Variants in VPS13C observed in about 807,000 individuals in gnomAD.
VPS13C encodes vacuolar protein sorting 13 homolog C, also known as intermembrane lipid transfer protein VPS13C.
A neutral mutation model predicts 456.8 loss-of-function variants in VPS13C; 358 were observed. The ratio of observed to expected loss-of-function variants is 0.78; its 90% CI spans 0.72 to 0.86. The LOEUF is 0.86. VPS13C is among the 40% of genes least tolerant of loss of function. VPS13C has a pLI of 0.00. For missense variants in VPS13C, 4,818 were observed against 4,385.4 expected (o/e 1.10, Z -2.79); for synonymous variants, 1,578 against 1,486.7 (o/e 1.06, Z -1.41).
intron 66 of VPS13C, among the ~76,000 whole-genome samples, chr15:61,895,834 T>C (rs761715029): frequency 2.1e-4 from 32 of 152,082 alleles, no homozygotes; most frequent in South Asian, 4.2e-4. Flanking sequence ...TAGGGAAAGA[T>C]TTCTTAAAGG....
Position 61,882,226 on chromosome 15 carries a change from G to C in VPS13C, c.9624+370C>G, listed in dbSNP as rs77028167. 3.3e-5 allele frequency among the ~76,000 whole-genome samples: 5 copies of C among 152,222 alleles called. No homozygotes were observed. The East Asian group carries it at 9.7e-4, about 29-fold the overall frequency. On this transcript the variant is annotated intron_variant, in intron 69 of 84. Coordinates refer to ENST00000644861, the MANE Select transcript of VPS13C (RefSeq NM_020821.3). ...ACTTAACAGCTAAAAGGAAGGAAGG[G>C]AGGGATGCTGGGAGAGAGCAAGCAA...
At chr15:62,041,418 C>CA in intron 2 of VPS13C, 52 bp from the exon 3 acceptor site, 1 of 1,537,926 alleles carries the variant, frequency 6.5e-7, no homozygotes, top group Non-Finnish European at 8.8e-7. Context: ...GAAGCCAACC[C>CA]AAAAATCACT....
Position 61,917,400 on chromosome 15 carries a change from G to C in VPS13C, c.7996C>G (p.Leu2666Val), listed in dbSNP as rs149961750. Residue 2666 changes from leucine (L) to valine (V), a missense_variant, in exon 60 of 85, where the codon CTT becomes GTT. Coordinates refer to ENST00000644861, the MANE Select transcript of VPS13C (RefSeq NM_020821.3). The part of the protein sequence containing the change: ...EDWDVAYIIH[L>V]YPSLTLRNLL... ...TTCCGCAAAGTGAGAGAAGGATAAA[G>C]ATGAATAATGTAAGCTACATCCCAG... 2 of 1,613,982 alleles carry C rather than the reference G, an allele frequency of 1.2e-6. No individual in the cohort carries two copies.
chr15:61,913,915 A>G (rs184469252), intron 61 of VPS13C, among the ~76,000 whole-genome samples: 1 of 152,294 alleles, frequency 6.6e-6, no homozygotes, highest in Admixed American at 6.5e-5. Context: ...TAGGAAATAC[A>G]TACGAAAAAT....
At chr15:61,991,139 C>T in intron 17 of VPS13C, 45 bp from the exon 18 acceptor site, 1 of 1,403,272 alleles carries the variant, frequency 7.1e-7, no homozygotes, top group Non-Finnish European at 9.9e-7. Context: ...TTCCATTTTA[C>T]AAATATAACT....
At position 61,929,520 on chromosome 15, in the gene VPS13C, C is replaced by T; in HGVS notation, c.6267G>A (p.Gly2089=). The T allele has an allele frequency of 6.2e-7, 1 of 1,614,044 alleles. No individual in the cohort carries two copies. Among genetic ancestry groups the T allele is most frequent in the Non-Finnish European group, 8.5e-7 (1 of 1,179,978 alleles). The change falls in exon 51 of 85, where the codon GGG becomes GGA. Residue 2089 remains glycine, a synonymous_variant. Coordinates refer to ENST00000644861, the MANE Select transcript of VPS13C (RefSeq NM_020821.3). The part of the protein sequence containing the change: ...TQILPRQTAT[G]KVKIEKDDSV... ...GCTAACCTTTCTCTATCTTGACCTT[C>T]CCTGTGGCAGTCTGTCTTGGTAAAA...
At chr15:61,945,623 T>C in intron 45 of VPS13C, 92 bp downstream of exon 45, 1 of 1,017,572 alleles carries the variant, frequency 9.8e-7, no homozygotes, top group Non-Finnish European at 1.4e-6. Flanking sequence ...TCACACAGCC[T>C]TATCAGTGAA....
At chr15:61,947,794 G>A (rs1253187904) in intron 42 of VPS13C, among the ~76,000 whole-genome samples, 2 of 152,068 alleles carry the variant, frequency 1.3e-5, no homozygotes, top group Admixed American at 6.5e-5. Flanking sequence ...AATTTCTCCA[G>A]ATTACACCCT....
chr15:61,919,392 A>C lies in VPS13C; in HGVS notation c.7535T>G (p.Leu2512Trp), dbSNP rs2043576606. Reference sequence around the variant, plus strand: ...GGCATTGGGATTCCGTACATTATACAATCGCCGTCCAGGTCTGGCCACAGG... The same window carrying C: ...GGCATTGGGATTCCGTACATTATACCATCGCCGTCCAGGTCTGGCCACAGG... ...NIPVARPGRR[L>W]YNVRNPNASH... Residue 2512 changes from leucine (L) to tryptophan (W), a missense_variant, in exon 58 of 85, where the codon TTG becomes TGG. Transcript: ENST00000644861. 2 of 1,603,058 alleles carry C rather than the reference A, an allele frequency of 1.2e-6. No individual in the cohort carries two copies. Among genetic ancestry groups the C allele is most frequent in the South Asian group, 2.3e-5 (2 of 88,880 alleles).
chr15:62,000,169 C>A (rs1596455447), intron 16 of VPS13C, among the ~76,000 whole-genome samples: 1 of 152,082 alleles, frequency 6.6e-6, no homozygotes, highest in Non-Finnish European at 1.5e-5. Flanking sequence ...CAAGACCAGG[C>A]TGGCCAACAT....
Position 61,909,062 on chromosome 15 carries a change from A to G in VPS13C, c.8908T>C (p.Tyr2970His). 6.2e-7 allele frequency: 1 copy of G among 1,614,058 alleles called. No homozygotes were observed. Among genetic ancestry groups the G allele is most frequent in the Non-Finnish European group, 8.5e-7 (1 of 1,180,004 alleles). ...AAGGCAGGTGCAGATCCCTCATGGT[A>G]ATCAGAAAAAGTTATGACAGTTGAA... ...EHSTVITFSDYHEGSAPALIM... is the reference protein window; with the variant it reads ...EHSTVITFSDHHEGSAPALIM... The change falls in exon 65 of 85, where the codon TAC becomes CAC. Residue 2970 changes from tyrosine (Y) to histidine (H), a missense_variant. This residue lies in a region of VPS13C where 4,552 missense variants were observed against 4,130.6 expected (regional missense o/e 1.10). Coordinates refer to ENST00000644861, the MANE Select transcript of VPS13C (RefSeq NM_020821.3).
chr15:61,962,282 A>T (rs2045233979), intron 34 of VPS13C, 89 bp downstream of exon 34: 2 of 1,257,926 alleles, frequency 1.6e-6, no homozygotes, highest in Non-Finnish European at 2.2e-6. Context: ...CCACTCTAAA[A>T]TCCAAGGTTT....
chr15:61,886,216 T>C (rs919247160), intron 67 of VPS13C, among the ~76,000 whole-genome samples: 1 of 152,146 alleles, frequency 6.6e-6, no homozygotes, highest in African/African-American at 2.4e-5. Context: ...GTTTTTTGTA[T>C]TTGTTAAGAT....
At chr15:61,923,014 A>G (rs2043712413) in intron 53 of VPS13C, among the ~76,000 whole-genome samples, 1 of 152,210 alleles carries the variant, frequency 6.6e-6, no homozygotes, top group African/African-American at 2.4e-5. Context: ...CTGGAATTAA[A>G]TAACTAATGT....
intron 81 of VPS13C, chr15:61,866,373 AC>A (rs1416762145): frequency 1.0e-6 from 1 of 983,468 alleles, no homozygotes; most frequent in Non-Finnish European, 1.2e-6. Flanking sequence ...GTGCTTTTTG[AC>A]AGAGAGTTAT....
In VPS13C at chr15:61,925,463, A is replaced by T; in HGVS notation, c.6602T>A (p.Ile2201Lys). ...AATATGGTAAGTACTAACCTTAATT[A>T]TAAATTCTTTAACCATAATATTTAT... is the stretch of plus-strand genomic sequence containing the variant. ...QNINIMVKEF[I>K]IKISPIILNT... is the part of the protein sequence containing the mutation. The change falls in exon 53 of 85, where the codon ATA becomes AAA. Residue 2201 changes from isoleucine to lysine, a missense_variant. Transcript: ENST00000644861. The T allele has an allele frequency of 1.3e-6, 2 of 1,554,252 alleles. No homozygotes were observed. The highest frequency in any genetic ancestry group is 1.7e-6 in the Non-Finnish European group (2 of 1,143,674).
chr15:61,978,788 C>G, intron 22 of VPS13C, 39 bp from the exon 23 acceptor site: 1 of 1,562,966 alleles, frequency 6.4e-7, no homozygotes, highest in African/African-American at 1.4e-5. Context: ...TTTTCCAAAA[C>G]AGAAAAGCAC....
At chr15:61,865,998 C>A (rs999109460) in intron 81 of VPS13C, 4 of 983,532 alleles carry the variant, frequency 4.1e-6, no homozygotes, top group Admixed American at 6.2e-5. Flanking sequence ...AAAAGATATA[C>A]TTTTATACTC....
In VPS13C at chr15:61,922,706, T is replaced by C; in HGVS notation, c.6666A>G (p.Lys2222=). Reference sequence around the variant, plus strand: ...TATCTTTGGATCCATCTTCTTTTGTTTTTGGAGACAATGCAGCCATGATTG... The same window carrying C: ...TATCTTTGGATCCATCTTCTTTTGTCTTTGGAGACAATGCAGCCATGATTG... ...VLTIMAALSP[K]TKEDGSKDTS... The change falls in exon 54 of 85, where the codon AAA becomes AAG. Residue 2222 remains lysine, a synonymous_variant. Transcript: ENST00000644861. The C allele has an allele frequency of 6.2e-7, 1 of 1,613,842 alleles. No homozygotes were observed. The highest frequency in any genetic ancestry group is 1.3e-5 in the African/African-American group (1 of 75,008).
Sources: allele counts gnomAD v4.1 joint callset (sites outside exome capture counted in the v4.1 genomes callset), GRCh38; gene constraint gnomAD v4.1.1; regional missense constraint gnomAD v4.1.1; transcripts MANE v1.5; gene names NCBI Gene and HGNC (gene_info 2026-07-23, HGNC 2026-07-21).